Variants in CHODL observed in about 807,000 individuals in gnomAD.
CHODL encodes transmembrane protein MT75.
Under a neutral mutation model 34.5 loss-of-function variants are expected in CHODL, and 29 were observed. That is an observed-to-expected ratio of 0.84 (90% CI 0.63 to 1.15). CHODL has a LOEUF of 1.15. CHODL is among the 50% of genes most tolerant of loss of function. The pLI, the probability that CHODL is intolerant of heterozygous loss-of-function variation, is 0.00. For missense variants in CHODL, 332 were observed against 332.5 expected (o/e 1.00, Z 0.01); for synonymous variants, 125 against 116.1 (o/e 1.08, Z -0.49).
intron 2 of CHODL, among the ~76,000 whole-genome samples, chr21:18,055,653 GA>G (rs1330409205): frequency 6.6e-6 from 1 of 151,886 alleles, no homozygotes; most frequent in Non-Finnish European, 1.5e-5. Flanking sequence ...CTATGTCTAT[GA>G]AAAAAATGTG....
chr21:17,959,372 TTG>T (rs1189513104), intron 1 of CHODL, among the ~76,000 whole-genome samples: 1 of 152,180 alleles, frequency 6.6e-6, no homozygotes, highest in Non-Finnish European at 1.5e-5. Flanking sequence ...TCAATGTCTG[TTG>T]TGAGTATACA....
chr21:18,139,904 A>G (rs1438973573), intron 2 of CHODL, among the ~76,000 whole-genome samples: 1 of 152,126 alleles, frequency 6.6e-6, no homozygotes, highest in African/African-American at 2.4e-5. Flanking sequence ...ATATTTAATG[A>G]CTCTAAATAT....
chr21:18,212,094 T>G (rs897155667), intron 2 of CHODL, among the ~76,000 whole-genome samples: 2 of 152,190 alleles, frequency 1.3e-5, no homozygotes, highest in Admixed American at 1.3e-4. Flanking sequence ...ATTTAATACA[T>G]GCTTTGAGTC....
intron 2 of CHODL, among the ~76,000 whole-genome samples, chr21:18,085,909 A>T (rs1011383403): frequency 6.6e-6 from 1 of 152,128 alleles, no homozygotes; most frequent in Admixed American, 6.5e-5. Flanking sequence ...CTTGCAAGAC[A>T]TGGGAAGTTT....
rs142776373 is a variant in CHODL, at chr21:18,142,100, C to T, written c.-45+114129C>T. On this transcript the variant is annotated intron_variant, in intron 2 of 6. Coordinates refer to the CHODL transcript ENST00000400127. The stretch of plus-strand genomic sequence containing the variant: ...AACAAAAATCAAACCTATTGAAAAT[C>T]GAGATCATATTCTTTGACCTAGCTA... 3.4e-3 allele frequency among the ~76,000 whole-genome samples: 512 copies of T among 152,164 alleles called. 4 individuals are homozygous for T. The highest frequency in any genetic ancestry group is 0.011 in the African/African-American group (459 of 41,520).
intron 2 of CHODL, among the ~76,000 whole-genome samples, chr21:18,118,619 T>C (rs1424459503): frequency 6.6e-6 from 1 of 152,162 alleles, no homozygotes; most frequent in East Asian, 1.9e-4. Context: ...ATCTTGACAC[T>C]ATGTCTGTAT....
chr21:17,930,253 C>A (rs574848800), intron 1 of CHODL, among the ~76,000 whole-genome samples: 1 of 151,882 alleles, frequency 6.6e-6, no homozygotes, highest in East Asian at 1.9e-4. Context: ...CTACCCCTGC[C>A]TGTGCATTTT....
chr21:18,212,572 T>A (rs62213412), intron 2 of CHODL, among the ~76,000 whole-genome samples: 1 of 151,440 alleles, frequency 6.6e-6, no homozygotes, highest in African/African-American at 2.4e-5. Context: ...CTACAATAAT[T>A]AATAAAGCCA....
At chr21:18,249,983 G>T (rs1053881943) in intron 1 of CHODL, among the ~76,000 whole-genome samples, 6 of 152,132 alleles carry the variant, frequency 3.9e-5, no homozygotes, top group African/African-American at 1.4e-4. Context: ...CTATAAGAGG[G>T]ACCTTTCTGC....
At chr21:18,210,885 G>A (rs2073765495) in intron 2 of CHODL, among the ~76,000 whole-genome samples, 1 of 152,070 alleles carries the variant, frequency 6.6e-6, no homozygotes, top group Admixed American at 6.5e-5. Context: ...ATCACATTCA[G>A]AATAAAAGTT....
intron 1 of CHODL, among the ~76,000 whole-genome samples, chr21:17,926,375 G>GTTTT (rs767844049): frequency 1.7e-5 from 1 of 60,540 alleles, no homozygotes; most frequent in African/African-American, 4.3e-5. Context: ...AAATAAGGTG[G>GTTTT]GTTTTTTTTT....
At position 17,997,764 on chromosome 21, in the gene CHODL, G is replaced by A. The variant is rs149162660; in HGVS notation, c.-144-30108G>A. 5.5e-3 allele frequency among the ~76,000 whole-genome samples: 832 copies of A among 152,140 alleles called. 6 individuals carry two copies. The highest frequency in any genetic ancestry group is 0.013 in the African/African-American group (550 of 41,508). The stretch of plus-strand genomic sequence containing the variant: ...TTTTCACTATCATGAGAATAGCACA[G>A]GAAAGACCAGCCTCCATGATTCAAT... On this transcript the variant is annotated intron_variant, in intron 1 of 6. Transcript: ENST00000400127.
rs139599066 is a variant in CHODL, at chr21:18,032,981, G to A, written c.-45+5010G>A. Among the ~76,000 whole-genome samples the A allele has an allele frequency of 3.3e-3, 497 of 152,180 alleles. 4 individuals carry two copies. The highest frequency in any genetic ancestry group is 0.011 in the African/African-American group (469 of 41,554). ...AGGGAACAAATTCTTGTTCTCATAA[G>A]CTTACATCATGGAAGGGAGAGAGTA... On this transcript the variant is annotated intron_variant, in intron 2 of 6. Coordinates refer to the CHODL transcript ENST00000400127.
intron 2 of CHODL, among the ~76,000 whole-genome samples, chr21:18,140,709 T>C (rs1471204168): frequency 2.0e-5 from 3 of 152,268 alleles, no homozygotes; most frequent in South Asian, 2.1e-4. Context: ...TTTTTAATAA[T>C]GTGGAAAGTT....
At chr21:18,237,332 G>T (rs9977296) in intron 2 of CHODL, among the ~76,000 whole-genome samples, 4 of 151,864 alleles carry the variant, frequency 2.6e-5, no homozygotes, top group African/African-American at 9.7e-5. Flanking sequence ...TACGTATAGC[G>T]AAAGTAAGGG....
intron 2 of CHODL, among the ~76,000 whole-genome samples, chr21:18,128,706 A>G (rs1366153669): frequency 2.0e-5 from 3 of 152,128 alleles, no homozygotes; most frequent in Non-Finnish European, 4.4e-5. Context: ...ATAGAGAGTA[A>G]GTTGATATCT....
intron 2 of CHODL, among the ~76,000 whole-genome samples, chr21:18,212,141 T>A (rs142782770): frequency 6.6e-6 from 1 of 152,252 alleles, no homozygotes; most frequent in East Asian, 1.9e-4. Context: ...CAGAAAGAAA[T>A]AGCTGAACAC....
rs1271519171 is a variant in CHODL, at chr21:18,257,070, C to T, written c.490C>T (p.Gln164Ter). 2 of 1,613,758 alleles carry T rather than the reference C, an allele frequency of 1.2e-6. No homozygotes were observed. The highest frequency in any genetic ancestry group is 2.2e-5 in the East Asian group (1 of 44,892). Residue 164 changes from glutamine (Q) to a stop codon, truncating the protein, a stop_gained, in exon 3 of 6, where the codon CAG becomes TAG. Coordinates refer to ENST00000299295, the MANE Select transcript of CHODL (RefSeq NM_024944.3). LOFTEE classifies it high-confidence loss of function. ...NPGLGGPYLY[Q>*]WNDDRCNMKH... Reference sequence around the variant, plus strand: ...TGGCCTTGGGGGTCCCTACCTTTACCAGTGGAATGATGACAGGTGTAACAT... The same window carrying T: ...TGGCCTTGGGGGTCCCTACCTTTACTAGTGGAATGATGACAGGTGTAACAT...
In CHODL at chr21:18,221,409, T is replaced by C. The variant is rs184945926; in HGVS notation, c.-44-35100T>C. On this transcript the variant is annotated intron_variant, in intron 2 of 6. Coordinates refer to the CHODL transcript ENST00000400127. ...TTTCCTTTTCTTTAGGATTTCTTAC[T>C]GAAAAACTATTGTGTTCTCTTGGAG... Among the ~76,000 whole-genome samples the C allele has an allele frequency of 5.9e-5, 9 of 152,326 alleles. No homozygotes were observed. The East Asian group carries it at 1.7e-3, about 29-fold the overall frequency.
Sources: gnomAD v4.1 joint callset for allele counts (sites outside exome capture counted in the v4.1 genomes callset) on GRCh38, gnomAD v4.1.1 for gene constraint, MANE v1.5 for transcripts, NCBI Gene and HGNC (gene_info 2026-07-23, HGNC 2026-07-21) for gene names.